TECTA: variants seen among roughly 807,000 people sequenced by gnomAD.
TECTA encodes the protein alpha-tectorin.
Under a neutral mutation model 216.8 loss-of-function variants are expected in TECTA, and 128 were observed. The ratio of observed to expected loss-of-function variants is 0.59; its 90% CI spans 0.51 to 0.68. The LOEUF is 0.68. Among genes scored for constraint, TECTA ranks in the 30% least tolerant of loss-of-function variants. The pLI is 0.00. For missense variants in TECTA, 2,551 were observed against 2,786.2 expected (o/e 0.92, Z 1.90); for synonymous variants, 1,089 against 1,117.1 (o/e 0.97, Z 0.50).
At chr11:121,139,566 C>T (rs1015845807) in intron 11 of TECTA, among the ~76,000 whole-genome samples, 2 of 152,162 alleles carry the variant, frequency 1.3e-5, no homozygotes, top group African/African-American at 2.4e-5. Flanking sequence ...TGGCAGACAC[C>T]TGTAATCCCA....
chr11:121,187,673 T>C (rs1947300849), intron 20 of TECTA, among the ~76,000 whole-genome samples, 159 bp from the exon 21 acceptor site: 2 of 151,880 alleles, frequency 1.3e-5, no homozygotes, highest in African/African-American at 4.8e-5. Flanking sequence ...TGATAATAAA[T>C]GACAAGCCCA....
intron 12 of TECTA, among the ~76,000 whole-genome samples, chr11:121,147,047 T>C (rs1182400369): frequency 1.3e-5 from 2 of 152,070 alleles, no homozygotes; most frequent in Non-Finnish European, 2.9e-5. Flanking sequence ...GTAATTTACC[T>C]GCCTTTAGCA....
rs747252072 is a variant in TECTA, at chr11:121,160,450, A to C, written c.4976+29A>C. On this transcript the variant is annotated intron_variant, in intron 15 of 23. Transcript: ENST00000392793. ...AGGGTGTAGGAGTTCAAGCCACTAG[A>C]CTTGGTGGCCCAAGTTCTCTCACGT... is the stretch of plus-strand genomic sequence containing the variant. The C allele has an allele frequency of 5.0e-6, 8 of 1,603,668 alleles. No individual in the cohort carries two copies. The East Asian group carries it at 1.8e-4, about 36-fold the overall frequency.
chr11:121,157,705 A>T, intron 13 of TECTA, 136 bp from the exon 14 acceptor site: 2 of 1,246,008 alleles, frequency 1.6e-6, no homozygotes, highest in East Asian at 2.4e-5. Flanking sequence ...CCGTTTCCCC[A>T]CTGCTGCCTC....
At chr11:121,189,720 G>C (rs747550015) in intron 22 of TECTA, 44 bp from the exon 23 acceptor site, 3 of 1,563,728 alleles carry the variant, frequency 1.9e-6, no homozygotes, top group South Asian at 2.2e-5. Flanking sequence ...CCAGTGGAAG[G>C]GTTGAACTGT....
rs765097779 is a variant in TECTA, at chr11:121,145,828, A to G, written c.3817A>G (p.Arg1273Gly). The G allele has an allele frequency of 4.3e-6, 7 of 1,614,170 alleles. No homozygotes were observed. In the Admixed American group the frequency reaches 1.2e-4, roughly 27 times the overall value. Reference protein sequence around the residue: ...VNEFGQSWVKRDTFCQVGCGD... With the variant: ...VNEFGQSWVKGDTFCQVGCGD... ...TGAGTTTGGGCAGAGCTGGGTGAAGAGGGACACCTTCTGCCAGGTGGGCTG... is the reference window on the plus strand; with the variant it reads ...TGAGTTTGGGCAGAGCTGGGTGAAGGGGGACACCTTCTGCCAGGTGGGCTG... Residue 1273 changes from arginine (R) to glycine (G), a missense_variant, in exon 12 of 24, where the codon AGG (arginine) becomes GGG (glycine). By Grantham distance (125) the Arg-to-Gly change is moderately radical (BLOSUM62 -2). Around this residue, in one of 3 missense-constraint regions of TECTA, gnomAD observed 2,375 missense variants for 2,563.9 expected, o/e 0.93. Transcript: ENST00000392793.
chr11:121,102,478 T>G (rs1342147272), intron 1 of TECTA, among the ~76,000 whole-genome samples, 187 bp from the exon 2 acceptor site: 1 of 152,220 alleles, frequency 6.6e-6, no homozygotes, highest in South Asian at 2.1e-4. Flanking sequence ...GTTCATGAAG[T>G]GTTGAACTTC....
chr11:121,166,899 A>G, intron 18 of TECTA, 119 bp downstream of exon 18: 1 of 1,128,256 alleles, frequency 8.9e-7, no homozygotes, highest in Non-Finnish European at 1.3e-6. Flanking sequence ...GCTCCTTAGA[A>G]AACAGCAATA....
At position 121,189,152 on chromosome 11, in the gene TECTA, C is replaced by A; in HGVS notation, c.6235C>A (p.Pro2079Thr). The A allele has an allele frequency of 6.2e-7, 1 of 1,613,970 alleles. No homozygotes were observed. The highest frequency in any genetic ancestry group is 8.5e-7 in the Non-Finnish European group (1 of 1,179,930). ...EPKEQIISVG[P>T]IRRKRLDWCE... Reference sequence around the variant, plus strand: ...CAAAGAACAGATCATTTCAGTGGGACCTATTAGGAGAAAAAGTATGTATGT... The same window carrying A: ...CAAAGAACAGATCATTTCAGTGGGAACTATTAGGAGAAAAAGTATGTATGT... Residue 2079 changes from proline (P) to threonine (T), a missense_variant, in exon 22 of 24, where the codon CCT (proline) becomes ACT (threonine). Physicochemically the swap from Pro to Thr is conservative, Grantham distance 38 (BLOSUM62 -1). Around this residue, in one of 3 missense-constraint regions of TECTA, gnomAD observed 118 missense variants for 116.4 expected, o/e 1.01. Transcript: ENST00000392793.
At chr11:121,147,915 A>T (rs761287083) in intron 12 of TECTA, among the ~76,000 whole-genome samples, 11 of 152,252 alleles carry the variant, frequency 7.2e-5, no homozygotes, top group African/African-American at 2.6e-4. Context: ...GATGGGTCTT[A>T]ATTTTTGTCA....
intron 21 of TECTA, 99 bp downstream of exon 21, chr11:121,188,093 A>C: frequency 2.3e-6 from 3 of 1,316,586 alleles, no homozygotes; most frequent in African/African-American, 1.5e-5. Flanking sequence ...GACTGGAATC[A>C]TCCATAGATG....
At chr11:121,133,028 G>A (rs1038031992) in intron 10 of TECTA, among the ~76,000 whole-genome samples, 1 of 152,116 alleles carries the variant, frequency 6.6e-6, no homozygotes, top group Non-Finnish European at 1.5e-5. Flanking sequence ...CACCACGCCC[G>A]GCCAGTTTTC....
At chr11:121,143,785 G>A (rs899056934) in intron 11 of TECTA, among the ~76,000 whole-genome samples, 18 of 152,192 alleles carry the variant, frequency 1.2e-4, no homozygotes, top group Non-Finnish European at 2.9e-5. Context: ...GTTGTCTTAG[G>A]TCAGGTTCCC....
chr11:121,167,350 T>A (rs1189461027), intron 18 of TECTA, among the ~76,000 whole-genome samples: 2 of 152,166 alleles, frequency 1.3e-5, no homozygotes, highest in Non-Finnish European at 2.9e-5. Flanking sequence ...GGGAGGATCA[T>A]AAGCCCAGGA....
intron 11 of TECTA, among the ~76,000 whole-genome samples, chr11:121,141,587 G>A (rs1229346178): frequency 1.3e-5 from 2 of 152,218 alleles, no homozygotes; most frequent in Non-Finnish European, 2.9e-5. Flanking sequence ...GGGCTCAACA[G>A]AGACTGCCTC....
intron 20 of TECTA, among the ~76,000 whole-genome samples, chr11:121,187,098 G>C (rs73005065): frequency 1.2e-3 from 189 of 152,348 alleles, no homozygotes; most frequent in Non-Finnish European, 1.9e-3. Flanking sequence ...CGTAGAACTG[G>C]TGTTGGAGAA....
chr11:121,187,069 T>G (rs917625452), intron 20 of TECTA, among the ~76,000 whole-genome samples: 1 of 152,026 alleles, frequency 6.6e-6, no homozygotes, highest in Non-Finnish European at 1.5e-5. Context: ...CTAGGGGACA[T>G]TTATAGAAGA....
chr11:121,128,036 A>T lies in TECTA; in HGVS notation c.2059A>T (p.Asn687Tyr). Residue 687 changes from asparagine to tyrosine, a missense_variant, in exon 9 of 24, where the codon AAC becomes TAC. Around this residue, in one of 3 missense-constraint regions of TECTA, gnomAD observed 2,375 missense variants for 2,563.9 expected, o/e 0.93. Coordinates refer to ENST00000392793, the MANE Select transcript of TECTA (RefSeq NM_005422.4). The part of the protein sequence containing the change: ...CEEGGDVYCF[N>Y]KTCGSGEVCA... ...GGAGGGCGGGGACGTCTACTGCTTC[A>T]ACAAGACCTGCGGCAGCGGGGAGGT... is the stretch of plus-strand genomic sequence containing the variant. The T allele has an allele frequency of 6.2e-7, 1 of 1,613,200 alleles. No homozygotes were observed. Among genetic ancestry groups the T allele is most frequent in the South Asian group, 1.1e-5 (1 of 91,066 alleles).
In TECTA at chr11:121,160,357, G is replaced by A. The variant is rs896046151; in HGVS notation, c.4912G>A (p.Gly1638Arg). ...DLTDDYVTLRGKPVVSSVVLA... is the reference protein window; with the variant it reads ...DLTDDYVTLRRKPVVSSVVLA... ...AACAGATGATTATGTGACCTTGCGA[G>A]GGAAGCCGGTGGTAAGCAGCGTGGT... The change falls in exon 15 of 24, where the codon GGG becomes AGG. Residue 1638 changes from glycine (G) to arginine (R), a missense_variant. Physicochemically the swap from Gly to Arg is moderately radical, Grantham distance 125. This residue lies in a region of TECTA where 2,375 missense variants were observed against 2,563.9 expected (regional missense o/e 0.93). Coordinates refer to ENST00000392793, the MANE Select transcript of TECTA (RefSeq NM_005422.4). 19 of 1,613,942 alleles carry A rather than the reference G, an allele frequency of 1.2e-5. No homozygotes were observed. The highest frequency in any genetic ancestry group is 1.6e-5 in the Non-Finnish European group (19 of 1,180,020).
Sources: gnomAD v4.1 joint callset for allele counts (sites outside exome capture counted in the v4.1 genomes callset) on GRCh38, gnomAD v4.1.1 for gene constraint, gnomAD v4.1.1 regional missense constraint, MANE v1.5 for transcripts, NCBI Gene and HGNC (gene_info 2026-07-23, HGNC 2026-07-21) for gene names.